FAAH2: variants seen among roughly 807,000 people sequenced by gnomAD.
The protein encoded by FAAH2 is fatty-acid amide hydrolase 2.
FAAH2 carries 60 observed loss-of-function variants against 36.9 expected under a neutral mutation model. The observed-to-expected ratio is 1.63, with a 90% CI of 1.32 to 2.02. The LOEUF (loss-of-function observed/expected upper bound fraction) is 2.02, where lower values mean the gene tolerates loss of function less well. FAAH2 is among the 30% of genes most tolerant of loss of function. FAAH2 has a pLI of 0.00. For synonymous variants in FAAH2, 214 were observed against 143.8 expected, an observed-to-expected ratio of 1.49 and a Z score of -3.49; for missense variants, 689 against 397.5, an observed-to-expected ratio of 1.73 and a Z score of -6.23.
chrX:57,472,177 G>T (rs1221342422), intron 10 of FAAH2, among the ~76,000 whole-genome samples: 1 of 111,761 alleles, frequency 8.9e-6, no homozygotes, highest in Non-Finnish European at 1.9e-5. Flanking sequence ...CAAGACATAG[G>T]CATGGGCAAG....
At position 57,299,270 on chromosome X, in the gene FAAH2, G is replaced by C. The variant is rs140031803; in HGVS notation, c.275+6690G>C. ...AACTTATCCACCATGATCAAGTGGG[G>C]TTCATCCCTGGGATGCAAGGCTGGT... is the stretch of plus-strand genomic sequence containing the variant. On this transcript the variant is annotated intron_variant, in intron 2 of 10. Transcript: ENST00000374900. Among the ~76,000 whole-genome samples the C allele has an allele frequency of 1.0e-3, 114 of 111,917 alleles. 2 individuals are homozygous for C. The East Asian group carries it at 0.026, about 25-fold the overall frequency.
At chrX:57,222,992 T>C in the FAAH2 span, among the ~76,000 whole-genome samples, 1 of 111,980 alleles carries the variant, frequency 8.9e-6, no homozygotes, top group African/African-American at 3.3e-5. Flanking sequence ...CTCGTCGCTC[T>C]TCCTCAAGCT....
At chrX:57,203,215 T>G in the FAAH2 span, among the ~76,000 whole-genome samples, 1 of 112,163 alleles carries the variant, frequency 8.9e-6, no homozygotes, top group Middle Eastern at 4.2e-3. Flanking sequence ...AGATTATAGA[T>G]TTACTTAAAG....
intron 8 of FAAH2, among the ~76,000 whole-genome samples, chrX:57,436,403 G>A (rs1342058986): frequency 1.8e-5 from 2 of 109,046 alleles, no homozygotes; most frequent in Admixed American, 9.8e-5. Context: ...AGACCAAAAA[G>A]GAAAGGTAGA....
chrX:57,189,394 C>A, the FAAH2 span, among the ~76,000 whole-genome samples: 1 of 110,187 alleles, frequency 9.1e-6, no homozygotes, highest in Admixed American at 9.7e-5. Flanking sequence ...TCTTTCAATT[C>A]ATCAAACTCA....
At chrX:57,430,578 G>A (rs1283434840) in intron 7 of FAAH2, among the ~76,000 whole-genome samples, 1 of 111,159 alleles carries the variant, frequency 9.0e-6, no homozygotes, top group Non-Finnish European at 1.9e-5. Flanking sequence ...GATTTAGTAA[G>A]AATATAATGG....
chrX:57,237,072 A>AG, the FAAH2 span, among the ~76,000 whole-genome samples: 6 of 111,554 alleles, frequency 5.4e-5, no homozygotes, highest in Non-Finnish European at 1.1e-4. Flanking sequence ...TCTTCTTCAT[A>AG]TGGATATCCA....
chrX:57,307,738 C>T (rs765975614), intron 2 of FAAH2, among the ~76,000 whole-genome samples: 233 of 110,730 alleles, frequency 2.1e-3, no homozygotes, highest in Non-Finnish European at 3.4e-3. Flanking sequence ...TCCCATCACC[C>T]AGATAGTGAG....
At chrX:57,254,220 C>T in the FAAH2 span, among the ~76,000 whole-genome samples, 10 of 111,647 alleles carry the variant, frequency 9.0e-5, no homozygotes, top group African/African-American at 2.6e-4. Context: ...ACAAGAAGAG[C>T]TAACTATGCT....
the FAAH2 span, among the ~76,000 whole-genome samples, chrX:57,149,923 T>C: frequency 8.9e-6 from 1 of 111,896 alleles, no homozygotes; most frequent in African/African-American, 3.3e-5. Flanking sequence ...CTCTACACAC[T>C]GCTTTAAATG....
At chrX:57,219,218 C>T in the FAAH2 span, among the ~76,000 whole-genome samples, 1 of 111,936 alleles carries the variant, frequency 8.9e-6, no homozygotes, top group South Asian at 3.8e-4. Context: ...CATTTTAAGC[C>T]TCAGCCCGCC....
chrX:57,323,940 C>A (rs2053124167), intron 3 of FAAH2, among the ~76,000 whole-genome samples: 1 of 110,912 alleles, frequency 9.0e-6, no homozygotes, highest in Non-Finnish European at 1.9e-5. Context: ...AATGGTATTG[C>A]CTAGGTTTTC....
chrX:57,157,120 G>A, the FAAH2 span, among the ~76,000 whole-genome samples: 7 of 111,631 alleles, frequency 6.3e-5, no homozygotes, highest in African/African-American at 2.3e-4. Flanking sequence ...ATACCCAGTT[G>A]CAAGACCAAG....
At chrX:57,335,670 C>T (rs2053530880) in intron 4 of FAAH2, among the ~76,000 whole-genome samples, 1 of 108,551 alleles carries the variant, frequency 9.2e-6, no homozygotes, top group Admixed American at 9.7e-5. Flanking sequence ...GCGTTCCTTC[C>T]TCTTTTACTA....
the FAAH2 span, among the ~76,000 whole-genome samples, chrX:57,145,253 TG>T: frequency 0.3 from 30,796 of 102,888 alleles, 3,561 homozygotes; most frequent in Middle Eastern, 0.59. Flanking sequence ...ATCATTCTTT[TG>T]GGGGGGGGTA....
the FAAH2 span, among the ~76,000 whole-genome samples, chrX:57,142,233 G>A: frequency 9.0e-6 from 1 of 111,216 alleles, no homozygotes; most frequent in Non-Finnish European, 1.9e-5. Context: ...TTTGACTTAG[G>A]CATTTATTGC....
At chrX:57,273,294 T>G in the FAAH2 span, among the ~76,000 whole-genome samples, 1 of 110,998 alleles carries the variant, frequency 9.0e-6, no homozygotes, top group Non-Finnish European at 1.9e-5. Flanking sequence ...AGACTTAGAC[T>G]CCCACACAAT....
intron 5 of FAAH2, 130 bp downstream of exon 5, chrX:57,341,520 C>A: frequency 1.3e-6 from 1 of 790,402 alleles, no homozygotes; most frequent in East Asian, 3.6e-5. Flanking sequence ...TTAAATAAAA[C>A]TAGCTACTGT....
At chrX:57,468,241 G>A (rs1035962037) in intron 10 of FAAH2, among the ~76,000 whole-genome samples, 3 of 112,011 alleles carry the variant, frequency 2.7e-5, no homozygotes, top group Non-Finnish European at 5.6e-5. Context: ...AACAAAGCTG[G>A]ATGGAGAATG....
Sources: gnomAD v4.1 joint callset for allele counts (sites outside exome capture counted in the v4.1 genomes callset) on GRCh38, gnomAD v4.1.1 for gene constraint, MANE v1.5 for transcripts, NCBI Gene and HGNC (gene_info 2026-07-23, HGNC 2026-07-21) for gene names.